Variants in ERI3 observed in about 807,000 individuals in gnomAD.
ERI3 encodes the protein ERI1 exoribonuclease family member 3.
In ERI3, 18 loss-of-function variants were observed where a neutral mutation model predicts 44.4. That is an observed-to-expected ratio of 0.41 (90% CI 0.28 to 0.60). The LOEUF (loss-of-function observed/expected upper bound fraction) is 0.60. Ranked by LOEUF, ERI3 falls within the 20% of genes least tolerant of loss-of-function variation. The pLI is 0.36. For synonymous variants in ERI3, 183 were observed against 164.8 expected, an observed-to-expected ratio of 1.11 and a Z score of -0.84; for missense variants, 294 against 435.5, an observed-to-expected ratio of 0.68 and a Z score of 2.89.
chr1:44,300,999 C>T (rs904131479), intron 6 of ERI3, among the ~76,000 whole-genome samples: 5 of 152,212 alleles, frequency 3.3e-5, no homozygotes, highest in African/African-American at 1.2e-4. Flanking sequence ...TAGAGGCAAG[C>T]CTGCCATGAT....
intron 7 of ERI3, among the ~76,000 whole-genome samples, chr1:44,275,452 C>A (rs2154322053): frequency 6.6e-6 from 1 of 152,254 alleles, no homozygotes; most frequent in South Asian, 2.1e-4. Context: ...CTCCATAAGC[C>A]CTTAATTTAT....
At chr1:44,322,774 T>C (rs750542271) in intron 3 of ERI3, 89 of 1,550,028 alleles carry the variant, frequency 5.7e-5, no homozygotes, top group Admixed American at 1.8e-4. Flanking sequence ...AACCTCAAAA[T>C]ACTGGCCCAA....
At chr1:44,267,086 C>T (rs532566075) in intron 7 of ERI3, among the ~76,000 whole-genome samples, 5 of 152,192 alleles carry the variant, frequency 3.3e-5, no homozygotes, top group Admixed American at 2.0e-4. Context: ...GAGGCCAGTA[C>T]ACAATCTGAG....
intron 7 of ERI3, 55 bp downstream of exon 7, chr1:44,284,780 C>T (rs1645357758): frequency 1.5e-6 from 2 of 1,362,608 alleles, no homozygotes; most frequent in Admixed American, 3.4e-5. Flanking sequence ...AGGACGGGAG[C>T]TCTGAGGCAC....
intron 6 of ERI3, among the ~76,000 whole-genome samples, chr1:44,298,262 C>T (rs895906365): frequency 6.6e-6 from 1 of 152,172 alleles, no homozygotes; most frequent in Non-Finnish European, 1.5e-5. Context: ...AGGCCACTTC[C>T]ACAGGGGCCA....
chr1:44,314,118 G>A (rs1452397938), intron 4 of ERI3, among the ~76,000 whole-genome samples: 5 of 150,770 alleles, frequency 3.3e-5, no homozygotes, highest in Non-Finnish European at 7.4e-5. Flanking sequence ...CAGTATCTCA[G>A]ACTTGCTTGG....
intron 6 of ERI3, among the ~76,000 whole-genome samples, chr1:44,298,433 G>T (rs143440417): frequency 6.6e-6 from 1 of 152,218 alleles, no homozygotes; most frequent in African/African-American, 2.4e-5. Context: ...TTAAATTGAA[G>T]ATTCACATAT....
At chr1:44,344,978 G>C (rs1646755832) in intron 2 of ERI3, among the ~76,000 whole-genome samples, 1 of 152,200 alleles carries the variant, frequency 6.6e-6, no homozygotes, top group South Asian at 2.1e-4. Flanking sequence ...TCTCTGTGCA[G>C]AGTATTTACA....
intron 4 of ERI3, among the ~76,000 whole-genome samples, chr1:44,314,937 G>C (rs1038888376): frequency 6.6e-6 from 1 of 152,224 alleles, no homozygotes; most frequent in African/African-American, 2.4e-5. Context: ...CAGTTGCCCT[G>C]TTTTGCCTCA....
intron 3 of ERI3, among the ~76,000 whole-genome samples, chr1:44,330,683 G>C (rs1452373352): frequency 1.3e-5 from 2 of 152,174 alleles, no homozygotes; most frequent in Non-Finnish European, 2.9e-5. Context: ...GTACACTCTT[G>C]TTTCAGGCTT....
intron 2 of ERI3, among the ~76,000 whole-genome samples, chr1:44,345,142 G>T (rs1319284975): frequency 6.6e-6 from 1 of 152,242 alleles, no homozygotes; most frequent in African/African-American, 2.4e-5. Flanking sequence ...CAAATCACCA[G>T]ATTAGAGGAA....
chr1:44,270,172 CAA>C (rs1283637405), intron 7 of ERI3, among the ~76,000 whole-genome samples: 1 of 152,140 alleles, frequency 6.6e-6, no homozygotes, highest in Admixed American at 6.5e-5. Flanking sequence ...CACACACACA[CAA>C]AAGAAACCCT....
At chr1:44,300,895 C>T (rs1645711114) in intron 6 of ERI3, among the ~76,000 whole-genome samples, 1 of 152,230 alleles carries the variant, frequency 6.6e-6, no homozygotes, top group Admixed American at 6.5e-5. Context: ...TGGCAGGCTG[C>T]ACTGCACGAC....
At chr1:44,352,472 A>G (rs1027515637) in intron 2 of ERI3, among the ~76,000 whole-genome samples, 2 of 152,126 alleles carry the variant, frequency 1.3e-5, no homozygotes, top group Non-Finnish European at 2.9e-5. Flanking sequence ...ATAAATGTTT[A>G]AAGCCAAATG....
chr1:44,311,709 T>C (rs559253325), intron 5 of ERI3, among the ~76,000 whole-genome samples: 2 of 152,142 alleles, frequency 1.3e-5, no homozygotes, highest in Admixed American at 6.5e-5. Flanking sequence ...GCAAGTATCT[T>C]CCTCCAGGAT....
At chr1:44,347,769 A>G (rs1200415425) in intron 2 of ERI3, among the ~76,000 whole-genome samples, 1 of 65,606 alleles carries the variant, frequency 1.5e-5, no homozygotes, top group Non-Finnish European at 5.0e-5. Flanking sequence ...GAATGTGTGC[A>G]TGTGTTAAAA....
chr1:44,254,652 A>G (rs1260052323), intron 7 of ERI3, among the ~76,000 whole-genome samples: 2 of 152,172 alleles, frequency 1.3e-5, no homozygotes, highest in Non-Finnish European at 1.5e-5. Context: ...CCACAGCCTT[A>G]GCAACCCTCA....
In ERI3 at chr1:44,241,020, T is replaced by G. The variant is rs1454136854; in HGVS notation, c.931+6919A>C. 3.9e-5 allele frequency among the ~76,000 whole-genome samples: 6 copies of G among 152,152 alleles called. No individual in the cohort carries two copies. The East Asian group carries it at 1.2e-3, about 29-fold the overall frequency. On this transcript the variant is annotated intron_variant, in intron 8 of 8. Transcript: ENST00000372257. This position sits in a 1 kb window ranked among gnomAD's most constrained non-coding sequence, Gnocchi z 5.6. The stretch of plus-strand genomic sequence containing the variant: ...AGGTCAGCAGGGCTGGCCCATGAAG[T>G]GTGGATTGTCCCATGAGTACTGTGG...
rs2154332804 is a variant in ERI3, at chr1:44,354,803, C to T, written c.135+89G>A. On this transcript the variant is annotated intron_variant, in intron 1 of 8. Coordinates refer to ENST00000372257, the MANE Select transcript of ERI3 (RefSeq NM_024066.3). ...AGGGTAAGCACATGGGCCAGCACCC[C>T]AGGTTGCATAAATTCTGCGCACCGC... The T allele has an allele frequency of 4.6e-6, 6 of 1,299,042 alleles. No homozygotes were observed. The East Asian group carries it at 1.4e-4, about 31-fold the overall frequency. The allele number at this position is 1,299,042 out of a possible 1,614,324, so 80.5% of individuals were successfully genotyped here.
Sources: allele counts gnomAD v4.1 joint callset (sites outside exome capture counted in the v4.1 genomes callset), GRCh38; gene constraint gnomAD v4.1.1; non-coding constraint Gnocchi (gnomAD v3.1); transcripts MANE v1.5; gene names NCBI Gene and HGNC (gene_info 2026-07-23, HGNC 2026-07-21).